The following NRXN3 variants were observed in gnomAD, a reference collection of about 807,000 sequenced individuals.
NRXN3 encodes neurexin III.
NRXN3 carries 32 observed loss-of-function variants against 137.6 expected under a neutral mutation model. That is an observed-to-expected ratio of 0.23 (90% CI 0.18 to 0.31). NRXN3 has a LOEUF of 0.31. NRXN3 is among the 10% of genes least tolerant of loss of function. NRXN3 has a pLI of 1.00. For synonymous variants in NRXN3, 798 were observed against 784.5 expected (o/e 1.02, Z -0.29); for missense variants, 1,574 against 2,062.5 (o/e 0.76, Z 4.59).
intron 2 of NRXN3, among the ~76,000 whole-genome samples, chr14:78,270,048 G>A (rs1448711982): frequency 2.6e-5 from 4 of 152,316 alleles, no homozygotes; most frequent in South Asian, 4.1e-4. Flanking sequence ...TACCAGGCAA[G>A]TAGACTGTCC....
intron 8 of NRXN3, among the ~76,000 whole-genome samples, chr14:78,781,363 T>A (rs1035625990): frequency 6.6e-6 from 1 of 152,224 alleles, no homozygotes; most frequent in Admixed American, 6.5e-5. Context: ...AAAAAGAATC[T>A]GAAACAAATA....
chr14:78,199,438 G>A (rs1263577419), intron 1 of NRXN3, among the ~76,000 whole-genome samples: 1 of 152,132 alleles, frequency 6.6e-6, no homozygotes, highest in Non-Finnish European at 1.5e-5. Flanking sequence ...TATGTGCTGG[G>A]TGCTCTGCCA....
chr14:79,160,743 A>T (rs1246034216), intron 15 of NRXN3, among the ~76,000 whole-genome samples: 2 of 151,936 alleles, frequency 1.3e-5, no homozygotes, highest in African/African-American at 4.8e-5. Flanking sequence ...ATACTCAGAT[A>T]CTTAAGAGGC....
At chr14:78,578,075 A>T (rs1206546052) in intron 4 of NRXN3, among the ~76,000 whole-genome samples, 1 of 152,176 alleles carries the variant, frequency 6.6e-6, no homozygotes, top group African/African-American at 2.4e-5. Flanking sequence ...CATATATGTA[A>T]TATCTGTATG....
intron 16 of NRXN3, among the ~76,000 whole-genome samples, chr14:79,604,531 G>A (rs1345536188): frequency 2.6e-5 from 3 of 117,466 alleles, no homozygotes; most frequent in African/African-American, 4.6e-5. Context: ...CACTGCTCCC[G>A]GACTTTTTTT....
chr14:78,643,468 C>T (rs2097655445), intron 4 of NRXN3, among the ~76,000 whole-genome samples: 1 of 152,152 alleles, frequency 6.6e-6, no homozygotes, highest in African/African-American at 2.4e-5. Context: ...GGCAAGAAGA[C>T]AAATGGAAGG....
chr14:78,811,146 A>C (rs569465502), intron 10 of NRXN3, among the ~76,000 whole-genome samples: 3 of 152,250 alleles, frequency 2.0e-5, no homozygotes, highest in Non-Finnish European at 2.9e-5. Flanking sequence ...GTACTATAGC[A>C]TATTATATTA....
At chr14:79,293,886 T>C (rs952038528) in intron 15 of NRXN3, among the ~76,000 whole-genome samples, 8 of 152,180 alleles carry the variant, frequency 5.3e-5, no homozygotes, top group African/African-American at 1.7e-4. Context: ...GAAGGTTTTA[T>C]CCAGTGAAAA....
At position 79,840,236 on chromosome 14, in the gene NRXN3, T is replaced by C. The variant is rs1464750654; in HGVS notation, c.4094-21106T>C. ...CATAATGAAGTTATTTAGAGTAGTG[T>C]TTCTAAATCTAATTTTGCATGAGTC... On this transcript the variant is annotated intron_variant, in intron 20 of 20. Coordinates refer to ENST00000335750, the MANE Select transcript of NRXN3 (RefSeq NM_001330195.2). 2.0e-5 allele frequency among the ~76,000 whole-genome samples: 3 copies of C among 152,092 alleles called. No individual in the cohort carries two copies. The East Asian group carries it at 5.8e-4, about 29-fold the overall frequency.
chr14:78,393,448 G>A (rs1242573358), intron 4 of NRXN3, among the ~76,000 whole-genome samples: 3 of 151,928 alleles, frequency 2.0e-5, no homozygotes, highest in African/African-American at 7.2e-5. Context: ...GCCTATTTAT[G>A]ATATCCCTAT....
At chr14:78,734,240 CA>C (rs1299045267) in intron 8 of NRXN3, among the ~76,000 whole-genome samples, 2 of 151,304 alleles carry the variant, frequency 1.3e-5, no homozygotes, top group East Asian at 1.9e-4. Flanking sequence ...CACACACACA[CA>C]CACACACACA....
At chr14:79,841,737 T>C (rs2293838) in intron 20 of NRXN3, among the ~76,000 whole-genome samples, 19,131 of 152,210 alleles carry the variant, frequency 0.13, 1,315 homozygotes, top group Middle Eastern at 0.2. Flanking sequence ...CCTACACAAC[T>C]GCAAAAGGAA....
intron 15 of NRXN3, among the ~76,000 whole-genome samples, chr14:79,015,923 T>C (rs553640904): frequency 6.6e-6 from 1 of 152,214 alleles, no homozygotes; most frequent in East Asian, 1.9e-4. Flanking sequence ...GTCCACAACA[T>C]CCTAAAGGCC....
At chr14:79,314,885 A>G (rs1028382786) in intron 15 of NRXN3, among the ~76,000 whole-genome samples, 9 of 150,888 alleles carry the variant, frequency 6.0e-5, no homozygotes, top group African/African-American at 2.0e-4. Context: ...TAACAACCAG[A>G]AAGGACATCT....
intron 15 of NRXN3, among the ~76,000 whole-genome samples, chr14:79,430,644 A>G (rs1311973288): frequency 1.3e-5 from 2 of 152,192 alleles, no homozygotes; most frequent in South Asian, 4.1e-4. Flanking sequence ...CTCATTAGCA[A>G]GATTTGGTTC....
chr14:79,324,815 G>A (rs929697172), intron 15 of NRXN3, among the ~76,000 whole-genome samples: 5 of 152,158 alleles, frequency 3.3e-5, no homozygotes, highest in African/African-American at 1.2e-4. Context: ...TTGTATCAAT[G>A]TAAAGTATGT....
At chr14:79,325,137 A>G (rs1015193432) in intron 15 of NRXN3, among the ~76,000 whole-genome samples, 4 of 152,006 alleles carry the variant, frequency 2.6e-5, no homozygotes, top group Admixed American at 2.6e-4. Flanking sequence ...TTTTTCTGGT[A>G]GTTTGAAAAA....
intron 15 of NRXN3, among the ~76,000 whole-genome samples, chr14:79,283,605 A>G (rs1163554777): frequency 6.6e-6 from 1 of 152,062 alleles, no homozygotes; most frequent in Non-Finnish European, 1.5e-5. Flanking sequence ...TAAATTAGGG[A>G]GACTAAGGCC....
chr14:78,172,084 C>G (rs1003295571), intron 1 of NRXN3, among the ~76,000 whole-genome samples: 11 of 152,278 alleles, frequency 7.2e-5, no homozygotes, highest in African/African-American at 2.6e-4. Context: ...CTTTCTTCCT[C>G]TCCGCTGGGT....
Sources: allele counts gnomAD v4.1 joint callset (sites outside exome capture counted in the v4.1 genomes callset), GRCh38; gene constraint gnomAD v4.1.1; transcripts MANE v1.5; gene names NCBI Gene and HGNC (gene_info 2026-07-23, HGNC 2026-07-21).